ACADVL: variants seen among roughly 807,000 people sequenced by gnomAD.
ACADVL encodes very long-chain acyl-CoA dehydrogenase, mitochondrial.
A neutral mutation model predicts 80.4 loss-of-function variants in ACADVL; 73 were observed. That is an observed-to-expected ratio of 0.91 (90% CI 0.75 to 1.10). ACADVL has a LOEUF of 1.10. Ranked by LOEUF, ACADVL falls within the 50% of genes least tolerant of loss-of-function variation. The pLI is 0.00. For synonymous variants in ACADVL, 392 were observed against 326.5 expected, an observed-to-expected ratio of 1.20 and a Z score of -2.16; for missense variants, 878 against 858.9, an observed-to-expected ratio of 1.02 and a Z score of -0.28.
chr17:7,218,970 C>T (rs572339906), upstream of ACADVL: 19 of 1,044,688 alleles, frequency 1.8e-5, no homozygotes, highest in East Asian at 1.5e-4. Context: ...CTGTCCCATT[C>T]CCCCAGGTCC....
chr17:7,223,264 T>G, intron 11 of ACADVL, 27 bp downstream of exon 11: 7 of 1,583,004 alleles, frequency 4.4e-6, no homozygotes, highest in Non-Finnish European at 6.1e-6. Context: ...CCCCTCTCCC[T>G]GGAGCCCTGG....
upstream of ACADVL, chr17:7,219,776 G>C: frequency 1.3e-6 from 2 of 1,491,406 alleles, no homozygotes; most frequent in Non-Finnish European, 1.8e-6. Context: ...TGGGGGAGAC[G>C]AGGGACGCTT....
At chr17:7,219,173 CAGAAAAAGGGGT>C (rs1341536734), upstream of ACADVL, 1 of 399,496 alleles carries the variant, frequency 2.5e-6, no homozygotes, top group Non-Finnish European at 4.5e-6. Flanking sequence ...ATGAGAATTG[CAGAAAAAGGGGT>C]AGAAATTGTT....
At chr17:7,221,775 C>T (rs2071241190) in intron 7 of ACADVL, 93 bp downstream of exon 7, 1 of 1,601,432 alleles carries the variant, frequency 6.2e-7, no homozygotes, top group Admixed American at 1.7e-5. Flanking sequence ...GATGGCTGAG[C>T]ATTTCAGTTG....
chr17:7,218,444 C>T, upstream of ACADVL: 1 of 1,417,576 alleles, frequency 7.1e-7, no homozygotes. Flanking sequence ...GCATGGTGCT[C>T]CAGCTTGGAC....
At chr17:7,219,903 G>A (rs2071098422), upstream of ACADVL, 1 of 1,018,990 alleles carries the variant, frequency 9.8e-7, no homozygotes, top group Admixed American at 2.6e-5. Context: ...ATGAGTCAGG[G>A]TTAGGGGCGC....
intron 8 of ACADVL, 42 bp downstream of exon 8, chr17:7,222,123 C>T: frequency 3.1e-6 from 5 of 1,614,180 alleles, no homozygotes; most frequent in Non-Finnish European, 4.2e-6. Context: ...CCGCCCAATT[C>T]CAGGCCCCAC....
chr17:7,221,165 C>CT, intron 6 of ACADVL, 107 bp downstream of exon 6: 1 of 1,570,690 alleles, frequency 6.4e-7, no homozygotes, highest in African/African-American at 1.3e-5. Context: ...TTCTAAGCAC[C>CT]TGCCCTGGGT....
In ACADVL at chr17:7,225,238, C is replaced by T. The variant is rs1025036227; in HGVS notation, c.*141C>T. On this transcript the variant is annotated 3_prime_UTR_variant, in exon 20 of 20. Coordinates refer to ENST00000356839, the MANE Select transcript of ACADVL (RefSeq NM_000018.4). ...CTGCTCTCAAGAGCACTTACTGCCT[C>T]GCAAATAATAAAAATTTCTAGCCAG... is the stretch of plus-strand genomic sequence containing the variant. 143 of 1,148,688 alleles carry T rather than the reference C, an allele frequency of 1.2e-4. No homozygotes were observed. Among genetic ancestry groups the T allele is most frequent in the Non-Finnish European group, 1.6e-4 (129 of 801,344 alleles). The allele number at this position is 1,148,688 out of a possible 1,614,324, so 71.2% of individuals were successfully genotyped here. A position where few individuals can be genotyped will look rare whatever the true frequency, so the allele number is the denominator to read the frequency against.
upstream of ACADVL, chr17:7,219,849 G>A (rs1358613929): frequency 2.6e-6 from 4 of 1,538,504 alleles, no homozygotes; most frequent in Non-Finnish European, 3.5e-6. Flanking sequence ...CTCCCAGCAT[G>A]CCCCGGGGCC....
Position 7,222,048 on chromosome 17 carries a change from A to C in ACADVL, c.719A>C (p.Tyr240Ser). ...GCTGTGCCCAGCCCCTGTGGAAAATACTATACCCTCAATGGAAGCAAGCTT... is the reference window on the plus strand; with the variant it reads ...GCTGTGCCCAGCCCCTGTGGAAAATCCTATACCCTCAATGGAAGCAAGCTT... ...TSAVPSPCGK[Y>S]YTLNGSKLWI... is the part of the protein sequence containing the mutation. Residue 240 changes from tyrosine (Y) to serine (S), a missense_variant, in exon 8 of 20, where the codon TAC becomes TCC. Tyr to Ser is a moderately radical substitution (Grantham distance 144, BLOSUM62 -2). Coordinates refer to ENST00000356839, the MANE Select transcript of ACADVL (RefSeq NM_000018.4). 1 of 1,614,060 alleles carries C rather than the reference A, an allele frequency of 6.2e-7. No individual in the cohort carries two copies. The highest frequency in any genetic ancestry group is 8.5e-7 in the Non-Finnish European group (1 of 1,179,996).
In ACADVL at chr17:7,220,787, A is replaced by T. The variant is rs774141572; in HGVS notation, c.299A>T (p.Gln100Leu). ...YPSVLNEEQTQFLKELVEPVS... is the reference protein window; with the variant it reads ...YPSVLNEEQTLFLKELVEPVS... Reference sequence around the variant, plus strand: ...GCAGTGCTCAACGAAGAGCAGACACAGTTTCTTAAAGAGCTGGTGGAGCCT... The same window carrying T: ...GCAGTGCTCAACGAAGAGCAGACACTGTTTCTTAAAGAGCTGGTGGAGCCT... Residue 100 changes from glutamine to leucine, a missense_variant, in exon 5 of 20, where the codon CAG (glutamine) becomes CTG (leucine). Gln to Leu is a moderately radical substitution (Grantham distance 113). Coordinates refer to ENST00000356839, the MANE Select transcript of ACADVL (RefSeq NM_000018.4). 5 of 1,614,096 alleles carry T rather than the reference A, an allele frequency of 3.1e-6. No homozygotes were observed. The South Asian group carries it at 4.4e-5, about 14-fold the overall frequency.
chr17:7,221,710 T>C, intron 7 of ACADVL, 28 bp downstream of exon 7: 1 of 1,613,186 alleles, frequency 6.2e-7, no homozygotes, highest in Non-Finnish European at 8.5e-7. Flanking sequence ...GAGCCAGGGA[T>C]TGGGGGGCAC....
At chr17:7,222,524 G>C in intron 9 of ACADVL, 143 bp from the exon 10 acceptor site, 1 of 1,150,532 alleles carries the variant, frequency 8.7e-7, no homozygotes, top group Non-Finnish European at 1.3e-6. Context: ...AGCCCTCAGG[G>C]CCTGAGGGGA....
chr17:7,223,396 A>T (rs1356517226), intron 11 of ACADVL, 159 bp downstream of exon 11: 3 of 838,034 alleles, frequency 3.6e-6, no homozygotes, highest in Non-Finnish European at 6.1e-6. Context: ...TTCTGCGAAG[A>T]GAGACAGCAA....
chr17:7,225,082 C>T lies in ACADVL; in HGVS notation c.1953C>T (p.Asn651=), dbSNP rs1417091241. Residue 651 remains asparagine (N), a synonymous_variant, in exon 20 of 20, where the codon AAC becomes AAT. Transcript: ENST00000356839. Reference sequence around the variant, plus strand: ...AGCGGGGTGGTGTGGTCACCAGCAACCCACTTGGCTTCTGAATACTCCCGG... The same window carrying T: ...AGCGGGGTGGTGTGGTCACCAGCAATCCACTTGGCTTCTGAATACTCCCGG... ...LVERGGVVTS[N]PLGF 3 of 1,614,086 alleles carry T rather than the reference C, an allele frequency of 1.9e-6. No individual in the cohort carries two copies. In the South Asian group the frequency reaches 3.3e-5, roughly 18 times the overall value.
intron 3 of ACADVL, 24 bp downstream of exon 3, chr17:7,220,553 G>A (rs377243702): frequency 6.2e-6 from 10 of 1,614,124 alleles, no homozygotes; most frequent in Non-Finnish European, 8.5e-6. Context: ...AGGCCAGGTG[G>A]ACCTTAGCCA....
rs8074626 is a variant in ACADVL, at chr17:7,221,369, C to A, written c.478-169C>A. 5.2e-3 allele frequency: 6,394 copies of A among 1,222,454 alleles called. 253 individuals carry two copies. In the African/African-American group the frequency reaches 0.082, roughly 16 times the overall value. 75.7% of individuals were successfully genotyped at this position (1,222,454 alleles called of 1,614,324 possible). A position where few individuals can be genotyped will look rare whatever the true frequency, so the allele number is the denominator to read the frequency against. ...GACAGACCAGCATTCTCTGCTGTGC[C>A]CTTTGCACACCCCACTTCTTTTCTA... On this transcript the variant is annotated intron_variant, in intron 6 of 19. Coordinates refer to ENST00000356839, the MANE Select transcript of ACADVL (RefSeq NM_000018.4).
intron 6 of ACADVL, chr17:7,221,275 A>C: frequency 1.0e-6 from 1 of 961,868 alleles, no homozygotes; most frequent in South Asian, 1.6e-5. Flanking sequence ...AGTCCTTACA[A>C]ATCTCTAAGT....
Sources: gnomAD v4.1 joint callset for allele counts on GRCh38, gnomAD v4.1.1 for gene constraint, MANE v1.5 for transcripts, NCBI Gene and HGNC (gene_info 2026-07-23, HGNC 2026-07-21) for gene names.